IL7: variants seen among roughly 807,000 people sequenced by gnomAD.
IL7 encodes interleukin-7.
In IL7, 3 loss-of-function variants were observed where a neutral mutation model predicts 21.6. The ratio of observed to expected loss-of-function variants is 0.14; its 90% confidence interval spans 0.06 to 0.36. IL7 has a LOEUF of 0.36. Among genes scored for constraint, IL7 ranks in the 10% least tolerant of loss-of-function variants. The pLI, the probability that IL7 is intolerant of heterozygous loss-of-function variation, is 1.00. For missense variants in IL7, 175 were observed against 200.2 expected, an observed-to-expected ratio of 0.87 and a Z score of 0.76; for synonymous variants, 62 against 68.1, an observed-to-expected ratio of 0.91 and a Z score of 0.44.
At chr8:78,677,743 A>G (rs1809629267) in intron 4 of IL7, among the ~76,000 whole-genome samples, 1 of 152,174 alleles carries the variant, frequency 6.6e-6, no homozygotes, top group South Asian at 2.1e-4. Context: ...AAGGGTCCCA[A>G]TCCAGACACT....
At chr8:78,769,319 A>G (rs1812871786) in intron 2 of IL7, among the ~76,000 whole-genome samples, 1 of 152,202 alleles carries the variant, frequency 6.6e-6, no homozygotes, top group African/African-American at 2.4e-5. Flanking sequence ...TTAAGCTGAT[A>G]GGCAACTTCA....
chr8:78,690,931 A>C (rs573714542), intron 3 of IL7, among the ~76,000 whole-genome samples: 1 of 152,234 alleles, frequency 6.6e-6, no homozygotes, highest in Admixed American at 6.5e-5. Flanking sequence ...TATTAATCTT[A>C]TACCCTGCTA....
chr8:78,677,296 T>C (rs1324856658), intron 4 of IL7, among the ~76,000 whole-genome samples: 1 of 152,048 alleles, frequency 6.6e-6, no homozygotes, highest in African/African-American at 2.4e-5. Flanking sequence ...TTAAGACAGC[T>C]TCCATTCTAA....
At chr8:78,738,861 G>A (rs984107159) in intron 3 of IL7, among the ~76,000 whole-genome samples, 41 of 152,218 alleles carry the variant, frequency 2.7e-4, no homozygotes, top group African/African-American at 9.1e-4. Flanking sequence ...TAATTATCTT[G>A]ACTTTTAAAG....
chr8:78,783,666 T>C (rs1016126044), intron 2 of IL7, among the ~76,000 whole-genome samples: 2 of 152,214 alleles, frequency 1.3e-5, no homozygotes, highest in African/African-American at 4.8e-5. Flanking sequence ...CAAATGCTTA[T>C]ATGCTGTACT....
At chr8:78,800,746 CA>C (rs1389116493) in intron 1 of IL7, among the ~76,000 whole-genome samples, 9 of 152,014 alleles carry the variant, frequency 5.9e-5, no homozygotes. Flanking sequence ...TACAGGGGTC[CA>C]AAAGGTATAC....
At chr8:78,791,727 A>T (rs186426835) in intron 2 of IL7, among the ~76,000 whole-genome samples, 1 of 152,252 alleles carries the variant, frequency 6.6e-6, no homozygotes, top group Non-Finnish European at 1.5e-5. Context: ...TGGGAGAATG[A>T]AAACGGATCT....
intron 2 of IL7, among the ~76,000 whole-genome samples, chr8:78,770,572 T>G (rs1281327734): frequency 6.6e-6 from 1 of 152,114 alleles, no homozygotes; most frequent in Non-Finnish European, 1.5e-5. Flanking sequence ...ATGGGCTATT[T>G]TCTCTTCAGA....
chr8:78,697,861 A>G (rs1563632659), intron 3 of IL7, among the ~76,000 whole-genome samples: 1 of 151,822 alleles, frequency 6.6e-6, no homozygotes, highest in Non-Finnish European at 1.5e-5. Flanking sequence ...TGTATTTTTA[A>G]TAGAGATGGG....
chr8:78,724,974 T>A lies in IL7; in HGVS notation n.268-3534A>T, dbSNP rs181273700. On this transcript the variant is annotated intron_variant and non_coding_transcript_variant, in intron 3 of 6. Coordinates refer to the IL7 transcript ENST00000519833. ...GTCTTCTAGTGAAAAATTATTTTGA[T>A]TTGTGATGTATTTCAAATCTAAATT... Among the ~76,000 whole-genome samples the A allele has an allele frequency of 2.7e-3, 415 of 152,168 alleles. 2 individuals are homozygous for A. Among genetic ancestry groups the A allele is most frequent in the African/African-American group, 9.5e-3 (394 of 41,532 alleles).
chr8:78,762,202 T>TGTC (rs1261098457), intron 2 of IL7: 1 of 1,590,608 alleles, frequency 6.3e-7, no homozygotes, highest in African/African-American at 1.3e-5. Context: ...CTCGAAGAAC[T>TGTC]GTCCTATAAG....
At chr8:78,749,653 C>G (rs1213480489) in intron 2 of IL7, among the ~76,000 whole-genome samples, 8 of 152,130 alleles carry the variant, frequency 5.3e-5, no homozygotes, top group African/African-American at 1.7e-4. Flanking sequence ...TCCAAGGGTA[C>G]CCAGTCATAG....
At chr8:78,707,513 A>T (rs934479585) in intron 3 of IL7, among the ~76,000 whole-genome samples, 3 of 152,202 alleles carry the variant, frequency 2.0e-5, no homozygotes, top group Non-Finnish European at 4.4e-5. Flanking sequence ...TGACCAACAT[A>T]CCTGGTTACT....
At chr8:78,745,870 C>A (rs1336753922) in intron 2 of IL7, among the ~76,000 whole-genome samples, 1 of 152,092 alleles carries the variant, frequency 6.6e-6, no homozygotes, top group Non-Finnish European at 1.5e-5. Flanking sequence ...CTGGTGTCTG[C>A]CAGCATTCCT....
intron 3 of IL7, among the ~76,000 whole-genome samples, chr8:78,724,700 G>A (rs928850977): frequency 2.6e-5 from 4 of 151,930 alleles, no homozygotes; most frequent in African/African-American, 4.8e-5. Context: ...AAATCAAAAC[G>A]CCATTTGAAT....
intron 4 of IL7, among the ~76,000 whole-genome samples, chr8:78,678,125 G>C (rs1333739994): frequency 6.6e-6 from 1 of 152,070 alleles, no homozygotes; most frequent in African/African-American, 2.4e-5. Context: ...TATTAGAAAG[G>C]TCTTTATGAT....
At chr8:78,798,321 G>T in intron 1 of IL7, 113 bp from the exon 2 acceptor site, 1 of 741,632 alleles carries the variant, frequency 1.3e-6, no homozygotes, top group Non-Finnish European at 2.1e-6. Flanking sequence ...ATACATCTTG[G>T]TTTGGAGATA....
At chr8:78,703,368 G>A (rs1810668653) in intron 3 of IL7, among the ~76,000 whole-genome samples, 1 of 152,124 alleles carries the variant, frequency 6.6e-6, no homozygotes, top group African/African-American at 2.4e-5. Context: ...AATATTGTCA[G>A]TGAGGTGTTA....
chr8:78,762,435 C>A lies in IL7; in HGVS notation c.148-22353G>T, dbSNP rs1347256866. On this transcript the variant is annotated intron_variant, in intron 2 of 5. Transcript: ENST00000263851. ...CGGCAGCGCAGAAGTTCGGCATCGT[C>A]GCCCGCCCGCCGGCCGGTCCAGCCC... The A allele has an allele frequency of 2.9e-5, 45 of 1,571,504 alleles. No individual in the cohort carries two copies. In the South Asian group the frequency reaches 3.9e-4, roughly 14 times the overall value.
Sources: allele counts gnomAD v4.1 joint callset (sites outside exome capture counted in the v4.1 genomes callset), GRCh38; gene constraint gnomAD v4.1.1; transcripts MANE v1.5; gene names NCBI Gene and HGNC (gene_info 2026-07-23, HGNC 2026-07-21).